SEMA3D: variants seen among roughly 807,000 people sequenced by gnomAD.
SEMA3D encodes semaphorin 3D, also known as semaphorin-3D.
In SEMA3D, 84 loss-of-function variants were observed where a neutral mutation model predicts 100.1. The ratio of observed to expected loss-of-function variants is 0.84; its 90% CI spans 0.70 to 1.01. SEMA3D has a LOEUF of 1.01. SEMA3D is among the 50% of genes least tolerant of loss of function. The probability of loss-of-function intolerance (pLI) is 0.00; values close to 1 mark genes in which losing one functional copy is unlikely to be tolerated. For missense variants in SEMA3D, 875 were observed against 934.1 expected (o/e 0.94, Z 0.82); for synonymous variants, 312 against 320.7 (o/e 0.97, Z 0.29).
chr7:85,003,625 A>AAAT (rs1286234477), intron 18 of SEMA3D, among the ~76,000 whole-genome samples: 1 of 151,920 alleles, frequency 6.6e-6, no homozygotes, highest in Non-Finnish European at 1.5e-5. Flanking sequence ...GTATAACATT[A>AAAT]AATTATTAAT....
At chr7:85,010,690 G>T (rs1048773507) in intron 17 of SEMA3D, among the ~76,000 whole-genome samples, 1 of 151,838 alleles carries the variant, frequency 6.6e-6, no homozygotes, top group Admixed American at 6.6e-5. Flanking sequence ...GAACAAATAA[G>T]TCTTGAAGAA....
chr7:85,206,604 G>C, the SEMA3D span, among the ~76,000 whole-genome samples: 2 of 152,070 alleles, frequency 1.3e-5, no homozygotes, highest in Non-Finnish European at 2.9e-5. Flanking sequence ...ATTTCAACCA[G>C]TTACATGTTC....
At chr7:85,213,063 T>G in the SEMA3D span, among the ~76,000 whole-genome samples, 1 of 152,054 alleles carries the variant, frequency 6.6e-6, no homozygotes, top group African/African-American at 2.4e-5. Context: ...TAGGAATTGT[T>G]ACTGCTAGTA....
chr7:85,000,870 A>C (rs2115705716), intron 18 of SEMA3D, among the ~76,000 whole-genome samples: 1 of 152,282 alleles, frequency 6.6e-6, no homozygotes, highest in East Asian at 1.9e-4. Flanking sequence ...GTGGTTCAGC[A>C]TTAAGTGGAA....
chr7:85,218,910 G>A, the SEMA3D span, among the ~76,000 whole-genome samples: 1 of 152,032 alleles, frequency 6.6e-6, no homozygotes, highest in Non-Finnish European at 1.5e-5. Flanking sequence ...GTTAGCTAAG[G>A]GATATGCATA....
rs948457010 is a variant in SEMA3D at position 85,142,788 on chromosome 7, G to A, written c.-41+10820C>T. ...CCCAGACTAACCACATGATGTGAAT[G>A]GAATAACCTTTTCTCTCTTCGGCTG... On this transcript the variant is annotated intron_variant, in intron 2 of 18. Transcript: ENST00000284136. The A allele has an allele frequency of 4.1e-6, 4 of 984,090 alleles. No individual in the cohort carries two copies. The Admixed American group carries it at 2.5e-4, about 61-fold the overall frequency. The allele number at this position is 984,090 out of a possible 1,614,324, so 61.0% of individuals were successfully genotyped here.
chr7:85,094,498 A>C (rs1001648049), intron 4 of SEMA3D, among the ~76,000 whole-genome samples: 1 of 151,978 alleles, frequency 6.6e-6, no homozygotes, highest in African/African-American at 2.4e-5. Flanking sequence ...TCACAGCTCA[A>C]TTCTCCCTTT....
chr7:85,199,791 C>CT, the SEMA3D span, among the ~76,000 whole-genome samples: 1 of 152,048 alleles, frequency 6.6e-6, no homozygotes, highest in African/African-American at 2.4e-5. Flanking sequence ...TCATTTTCTG[C>CT]TTTTTTTCCC....
At chr7:85,245,356 G>C in the SEMA3D span, among the ~76,000 whole-genome samples, 1 of 152,188 alleles carries the variant, frequency 6.6e-6, no homozygotes, top group South Asian at 2.1e-4. Flanking sequence ...TTACAGAATT[G>C]TGCCTGAATA....
chr7:85,237,401 A>G, the SEMA3D span, among the ~76,000 whole-genome samples: 2 of 152,206 alleles, frequency 1.3e-5, no homozygotes. Context: ...TATCATACAG[A>G]ACAGTTTCTC....
chr7:85,109,550 T>C (rs1055636765), intron 3 of SEMA3D, among the ~76,000 whole-genome samples: 9 of 152,094 alleles, frequency 5.9e-5, no homozygotes, highest in African/African-American at 1.9e-4. Context: ...TTTATGACCA[T>C]CTTTATAAAT....
chr7:85,180,345 T>C (rs1363830516), intron 1 of SEMA3D, among the ~76,000 whole-genome samples: 1 of 152,150 alleles, frequency 6.6e-6, no homozygotes, highest in Non-Finnish European at 1.5e-5. Context: ...GATTATAAGT[T>C]TCCTGAGGCC....
At chr7:85,124,581 C>G (rs144213329) in intron 2 of SEMA3D, among the ~76,000 whole-genome samples, 1 of 152,078 alleles carries the variant, frequency 6.6e-6, no homozygotes, top group East Asian at 1.9e-4. Flanking sequence ...CAAGATAACT[C>G]AAAGGAGTAT....
At chr7:85,142,296 AGTTTT>A in intron 2 of SEMA3D, 3 of 979,822 alleles carry the variant, frequency 3.1e-6, no homozygotes, top group Non-Finnish European at 3.6e-6. Context: ...GAAAGTACTT[AGTTTT>A]ATCTACACCC....
At chr7:85,100,603 T>C (rs543107735) in intron 3 of SEMA3D, among the ~76,000 whole-genome samples, 32 of 152,022 alleles carry the variant, frequency 2.1e-4, no homozygotes, top group South Asian at 1.7e-3. Flanking sequence ...GTCTAGGATA[T>C]AGGCACTAAG....
the SEMA3D span, among the ~76,000 whole-genome samples, chr7:85,223,558 G>T: frequency 2.0e-5 from 3 of 151,558 alleles, no homozygotes; most frequent in Non-Finnish European, 4.4e-5. Context: ...GTGTGTGTGT[G>T]TATACACCAT....
At chr7:85,097,682 T>C (rs1257241050) in intron 4 of SEMA3D, 123 bp downstream of exon 4, 1 of 507,440 alleles carries the variant, frequency 2.0e-6, no homozygotes, top group African/African-American at 2.0e-5. Context: ...ATGCTGCTTT[T>C]TGACATGTAT....
intron 1 of SEMA3D, among the ~76,000 whole-genome samples, chr7:85,174,306 A>G (rs1242920386): frequency 6.6e-6 from 1 of 152,148 alleles, no homozygotes; most frequent in Non-Finnish European, 1.5e-5. Flanking sequence ...AGTGACTATT[A>G]CAGTGCCTGG....
intron 3 of SEMA3D, among the ~76,000 whole-genome samples, chr7:85,099,986 G>A (rs1047741284): frequency 2.4e-4 from 36 of 151,492 alleles, no homozygotes; most frequent in African/African-American, 6.5e-4. Context: ...CTTGTCTTTC[G>A]CCCATCCTAA....
Sources: gnomAD v4.1 joint callset for allele counts (sites outside exome capture counted in the v4.1 genomes callset) on GRCh38, gnomAD v4.1.1 for gene constraint, MANE v1.5 for transcripts, NCBI Gene and HGNC (gene_info 2026-07-23, HGNC 2026-07-21) for gene names.